MYO3B: variants seen among roughly 807,000 people sequenced by gnomAD.
MYO3B encodes the protein myosin IIIB.
MYO3B carries 156 observed loss-of-function variants against 174.6 expected under a neutral mutation model. The ratio of observed to expected loss-of-function variants is 0.89; its 90% confidence interval spans 0.78 to 1.02. MYO3B has a LOEUF of 1.02. MYO3B is among the 50% of genes least tolerant of loss of function. MYO3B has a pLI of 0.00. For synonymous variants in MYO3B, 563 were observed against 569.1 expected (o/e 0.99, Z 0.15); for missense variants, 1,632 against 1,639.4 (o/e 1.00, Z 0.08).
chr2:170,178,548 C>CCACACACA (rs3066877), intron 1 of MYO3B, among the ~76,000 whole-genome samples: 60 of 151,282 alleles, frequency 4.0e-4, no homozygotes, highest in African/African-American at 1.3e-3. Context: ...CAGACACACA[C>CCACACACA]CACACACACA....
chr2:170,537,820 C>A (rs1380299420), intron 30 of MYO3B, among the ~76,000 whole-genome samples: 1 of 152,124 alleles, frequency 6.6e-6, no homozygotes, highest in African/African-American at 2.4e-5. Flanking sequence ...GATTGCCTTT[C>A]TTTTGGGGCT....
intron 25 of MYO3B, among the ~76,000 whole-genome samples, chr2:170,470,102 C>CAA (rs34472083): frequency 0.02 from 933 of 46,318 alleles, 95 homozygotes; most frequent in African/African-American, 0.062. Flanking sequence ...AACTCCGTCT[C>CAA]AAAAAAAAAA....
intron 10 of MYO3B, chr2:170,382,859 T>TA (rs2094345664): frequency 6.8e-6 from 3 of 440,474 alleles, no homozygotes; most frequent in Non-Finnish European, 1.2e-5. Flanking sequence ...TAAGTGGGCC[T>TA]AATTCTTTCA....
intron 32 of MYO3B, among the ~76,000 whole-genome samples, chr2:170,598,495 G>A (rs1184749877): frequency 1.3e-5 from 2 of 152,208 alleles, no homozygotes; most frequent in Non-Finnish European, 2.9e-5. Flanking sequence ...GAATCTCTCA[G>A]CCTTCCAGCT....
intron 7 of MYO3B, among the ~76,000 whole-genome samples, chr2:170,276,943 T>C (rs944600975): frequency 2.6e-5 from 4 of 152,218 alleles, no homozygotes; most frequent in Non-Finnish European, 2.9e-5. Context: ...TTATGGATTA[T>C]ATAATAAATG....
intron 3 of MYO3B, among the ~76,000 whole-genome samples, chr2:170,211,147 T>C (rs1158486381): frequency 6.6e-6 from 1 of 152,208 alleles, no homozygotes; most frequent in African/African-American, 2.4e-5. Flanking sequence ...AGTGGTGCCT[T>C]GTCTGTTTTT....
chr2:170,406,157 C>G (rs933937915), intron 21 of MYO3B, among the ~76,000 whole-genome samples: 5 of 152,286 alleles, frequency 3.3e-5, no homozygotes, highest in African/African-American at 9.6e-5. Context: ...GTCTCAATTT[C>G]AAGTTCCTGA....
intron 3 of MYO3B, among the ~76,000 whole-genome samples, chr2:170,213,562 C>T (rs897386583): frequency 2.0e-5 from 3 of 152,138 alleles, no homozygotes; most frequent in East Asian, 1.9e-4. Context: ...TCCTAGGCAC[C>T]GGGCTACCTG....
intron 32 of MYO3B, among the ~76,000 whole-genome samples, chr2:170,631,506 C>T (rs1394341002): frequency 6.6e-6 from 1 of 151,962 alleles, no homozygotes; most frequent in Admixed American, 6.6e-5. Context: ...ACTTCCCCAA[C>T]CTAGCAAGGC....
chr2:170,401,177 T>C (rs7608448), intron 17 of MYO3B, among the ~76,000 whole-genome samples: 76,627 of 152,056 alleles, frequency 0.5, 19,688 homozygotes, highest in East Asian at 0.63. Context: ...CTTTAATATA[T>C]GAATGTATTT....
intron 3 of MYO3B, among the ~76,000 whole-genome samples, chr2:170,202,673 G>A (rs1194050085): frequency 6.6e-6 from 1 of 152,186 alleles, no homozygotes; most frequent in African/African-American, 2.4e-5. Flanking sequence ...CACTGGGATC[G>A]TAGCACTTCC....
intron 7 of MYO3B, among the ~76,000 whole-genome samples, chr2:170,274,666 A>G (rs2093450374): frequency 6.6e-6 from 1 of 152,154 alleles, no homozygotes; most frequent in African/African-American, 2.4e-5. Context: ...GAAATGTTCT[A>G]TATCTTGATT....
intron 22 of MYO3B, among the ~76,000 whole-genome samples, chr2:170,416,827 T>TTTTG (rs1558980878): frequency 1.9e-4 from 3 of 15,772 alleles, no homozygotes; most frequent in Non-Finnish European, 6.5e-4. Flanking sequence ...TGTTTTTTTT[T>TTTTG]TTTTTTTTTT....
chr2:170,315,480 G>A (rs1164149261), intron 7 of MYO3B, among the ~76,000 whole-genome samples: 2 of 127,964 alleles, frequency 1.6e-5, no homozygotes, highest in African/African-American at 6.1e-5. Context: ...TAATTTTTGT[G>A]TTTTTAGTAG....
intron 7 of MYO3B, among the ~76,000 whole-genome samples, chr2:170,246,488 T>A (rs1446817396): frequency 1.3e-5 from 2 of 151,548 alleles, no homozygotes; most frequent in Non-Finnish European, 2.9e-5. Flanking sequence ...CTTAACCCAA[T>A]GTGACTGGTA....
At chr2:170,212,441 G>T (rs1428381754) in intron 3 of MYO3B, among the ~76,000 whole-genome samples, 3 of 152,072 alleles carry the variant, frequency 2.0e-5, no homozygotes, top group East Asian at 3.9e-4. Context: ...GGACAAAAAG[G>T]CTTAGAAGCC....
At chr2:170,626,139 A>G (rs1473508540) in intron 32 of MYO3B, among the ~76,000 whole-genome samples, 13 of 152,068 alleles carry the variant, frequency 8.5e-5, no homozygotes, top group Non-Finnish European at 7.4e-5. Context: ...GATCTGTTTA[A>G]TGTTGACCGT....
intron 32 of MYO3B, among the ~76,000 whole-genome samples, chr2:170,603,221 T>G (rs1284221525): frequency 2.0e-5 from 3 of 152,240 alleles, no homozygotes; most frequent in East Asian, 3.9e-4. Context: ...GTTACTTAGG[T>G]CCATGAAATC....
chr2:170,363,579 G>A (rs188069188), intron 8 of MYO3B, among the ~76,000 whole-genome samples: 6 of 152,324 alleles, frequency 3.9e-5, no homozygotes, highest in Non-Finnish European at 2.9e-5. Flanking sequence ...GCAGAAGCCA[G>A]ACTGGGAGAT....
Sources: gnomAD v4.1 joint callset for allele counts (sites outside exome capture counted in the v4.1 genomes callset) on GRCh38, gnomAD v4.1.1 for gene constraint, MANE v1.5 for transcripts, NCBI Gene and HGNC (gene_info 2026-07-23, HGNC 2026-07-21) for gene names.